Variants in CAMTA1 observed in about 807,000 individuals in gnomAD.
CAMTA1 encodes calmodulin binding transcription activator 1.
Under a neutral mutation model 170.9 loss-of-function variants are expected in CAMTA1, and 27 were observed. The observed-to-expected ratio is 0.16, with a 90% CI of 0.12 to 0.22. CAMTA1 has a LOEUF of 0.22. Ranked by LOEUF, CAMTA1 falls within the 10% of genes least tolerant of loss-of-function variation. CAMTA1 has a pLI of 1.00. For synonymous variants in CAMTA1, 833 were observed against 891.5 expected, an observed-to-expected ratio of 0.93 and a Z score of 1.17; for missense variants, 1,619 against 2,217.2, an observed-to-expected ratio of 0.73 and a Z score of 5.42.
chr1:7,425,775 T>G (rs1392082343), intron 5 of CAMTA1, among the ~76,000 whole-genome samples: 1 of 151,862 alleles, frequency 6.6e-6, no homozygotes, highest in Non-Finnish European at 1.5e-5. Context: ...GGAGCACCCC[T>G]TCCCACTTGC....
At chr1:6,791,349 G>A (rs1406220249) in intron 1 of CAMTA1, among the ~76,000 whole-genome samples, 1 of 152,104 alleles carries the variant, frequency 6.6e-6, no homozygotes, top group African/African-American at 2.4e-5. Context: ...GTTTCCCTAA[G>A]AATAGGTAGA....
chr1:7,651,060 A>G (rs1043839427), intron 7 of CAMTA1, among the ~76,000 whole-genome samples: 2 of 152,160 alleles, frequency 1.3e-5, no homozygotes, highest in Admixed American at 6.5e-5. Flanking sequence ...CACGTGGTTC[A>G]TAAGGAGAGC....
chr1:7,380,551 G>C (rs2087214627), intron 5 of CAMTA1, among the ~76,000 whole-genome samples: 1 of 152,138 alleles, frequency 6.6e-6, no homozygotes, highest in Admixed American at 6.5e-5. Flanking sequence ...TCCAGCCTGG[G>C]CAACAAGAGC....
chr1:6,898,432 A>G (rs144226695), intron 3 of CAMTA1, among the ~76,000 whole-genome samples: 439 of 152,304 alleles, frequency 2.9e-3, no homozygotes, highest in African/African-American at 0.01. Flanking sequence ...GGGTGCCTGT[A>G]GTCCCAGCTA....
intron 6 of CAMTA1, among the ~76,000 whole-genome samples, chr1:7,583,404 G>A (rs961552357): frequency 2.0e-5 from 3 of 152,164 alleles, no homozygotes; most frequent in Non-Finnish European, 4.4e-5. Flanking sequence ...CTAGGAAGCA[G>A]AGCTGGGGCC....
chr1:7,608,925 C>A (rs1055273607), intron 6 of CAMTA1, among the ~76,000 whole-genome samples: 9 of 152,114 alleles, frequency 5.9e-5, no homozygotes, highest in Non-Finnish European at 1.2e-4. Flanking sequence ...GGAGCTTGAG[C>A]CCTACCTGGC....
intron 5 of CAMTA1, among the ~76,000 whole-genome samples, chr1:7,323,302 G>A (rs1171091396): frequency 6.6e-6 from 1 of 151,648 alleles, no homozygotes; most frequent in Non-Finnish European, 1.5e-5. Flanking sequence ...AAATATATGG[G>A]GAGGAGGAGA....
intron 3 of CAMTA1, among the ~76,000 whole-genome samples, chr1:6,982,190 A>G (rs114767453): frequency 0.013 from 1,995 of 152,136 alleles, 36 homozygotes; most frequent in African/African-American, 0.045. Flanking sequence ...AGCTAGTTAC[A>G]CTGTAAACCC....
chr1:7,098,328 A>G (rs910653010), intron 4 of CAMTA1, among the ~76,000 whole-genome samples: 4 of 152,242 alleles, frequency 2.6e-5, no homozygotes, highest in Non-Finnish European at 4.4e-5. Context: ...TCAAATTAAC[A>G]CAGAGACGTG....
chr1:7,011,986 C>T (rs1699873635), intron 3 of CAMTA1, among the ~76,000 whole-genome samples: 1 of 152,196 alleles, frequency 6.6e-6, no homozygotes, highest in African/African-American at 2.4e-5. Context: ...GCTCAGGGGG[C>T]CCCTTCCCAA....
chr1:6,988,850 G>T (rs907897378), intron 3 of CAMTA1, among the ~76,000 whole-genome samples: 1 of 152,214 alleles, frequency 6.6e-6, no homozygotes, highest in Non-Finnish European at 1.5e-5. Context: ...GCATCAGCCA[G>T]TGAACAGTCT....
chr1:7,288,263 A>G (rs1052386723), intron 5 of CAMTA1, among the ~76,000 whole-genome samples: 1 of 152,212 alleles, frequency 6.6e-6, no homozygotes, highest in Non-Finnish European at 1.5e-5. Context: ...TCATTCCCAC[A>G]CAAAGAGCTT....
chr1:7,351,699 G>A (rs564035321), intron 5 of CAMTA1, among the ~76,000 whole-genome samples: 17 of 152,290 alleles, frequency 1.1e-4, no homozygotes, highest in South Asian at 6.2e-4. Flanking sequence ...CTGTCTGGCC[G>A]GGGTCGGATC....
rs1386413591 is a variant in CAMTA1, at chr1:7,216,566, AGTGTT to A, written c.303-32923_303-32919del. The stretch of plus-strand genomic sequence containing the variant: ...AGAACTGTCGCCCAGGCTGCAGTGC[AGTGTT>A]GAGTTCTCGGCTCACTGCAATCCCC... On this transcript the variant is annotated intron_variant, in intron 4 of 22. Coordinates refer to ENST00000303635, the MANE Select transcript of CAMTA1 (RefSeq NM_015215.4). This position sits in a 1 kb window ranked among gnomAD's most constrained non-coding sequence, Gnocchi z 4.0. Among the ~76,000 whole-genome samples, 1 of 151,652 alleles carries A rather than the reference AGTGTT, an allele frequency of 6.6e-6. No homozygotes were observed. The highest frequency in any genetic ancestry group is 1.5e-5 in the Non-Finnish European group (1 of 67,936).
chr1:7,302,971 G>A (rs1303181255), intron 5 of CAMTA1, among the ~76,000 whole-genome samples: 1 of 152,204 alleles, frequency 6.6e-6, no homozygotes, highest in African/African-American at 2.4e-5. Flanking sequence ...CCCAGGTGCT[G>A]TGGGAGGCTA....
At chr1:7,103,222 T>C (rs1642949944) in intron 4 of CAMTA1, among the ~76,000 whole-genome samples, 1 of 151,980 alleles carries the variant, frequency 6.6e-6, no homozygotes, top group Non-Finnish European at 1.5e-5. Context: ...GACAATGAAC[T>C]GGAAGTCCAA....
intron 4 of CAMTA1, among the ~76,000 whole-genome samples, chr1:7,205,201 G>A (rs888134776): frequency 6.6e-6 from 1 of 151,948 alleles, no homozygotes; most frequent in Non-Finnish European, 1.5e-5. Context: ...TCTGCCTCCT[G>A]GGTTCAAGCT....
intron 1 of CAMTA1, among the ~76,000 whole-genome samples, chr1:6,790,165 A>G (rs1403638287): frequency 6.6e-6 from 1 of 151,690 alleles, no homozygotes; most frequent in Non-Finnish European, 1.5e-5. Flanking sequence ...TGTCTTTTAT[A>G]TAGTCTTGCA....
At chr1:7,166,424 C>G (rs552954104) in intron 4 of CAMTA1, among the ~76,000 whole-genome samples, 2 of 152,304 alleles carry the variant, frequency 1.3e-5, no homozygotes, top group South Asian at 4.1e-4. Context: ...GTACCTATAC[C>G]TTCAGCGATT....
Sources: gnomAD v4.1 joint callset for allele counts (sites outside exome capture counted in the v4.1 genomes callset) on GRCh38, gnomAD v4.1.1 for gene constraint, Gnocchi (gnomAD v3.1) non-coding constraint, MANE v1.5 for transcripts, NCBI Gene and HGNC (gene_info 2026-07-23, HGNC 2026-07-21) for gene names.